Variants in CSDE1 observed in about 807,000 individuals in gnomAD.
CSDE1 encodes the protein cold shock domain-containing protein E1.
In CSDE1, 17 loss-of-function variants were observed where a neutral mutation model predicts 89.3. That is an observed-to-expected ratio of 0.19 (90% CI 0.13 to 0.29). The LOEUF (loss-of-function observed/expected upper bound fraction) is 0.29. CSDE1 is among the 10% of genes least tolerant of loss of function. CSDE1 has a pLI of 1.00. For missense variants in CSDE1, 672 were observed against 984.2 expected (o/e 0.68, Z 4.24); for synonymous variants, 322 against 332.8 (o/e 0.97, Z 0.35).
chr1:114,719,259 T>C (rs1659375178), intron 18 of CSDE1, among the ~76,000 whole-genome samples: 2 of 152,262 alleles, frequency 1.3e-5, no homozygotes, highest in East Asian at 1.9e-4. Context: ...CAGTGAGTCG[T>C]GATAGCGCCT....
intron 1 of CSDE1, among the ~76,000 whole-genome samples, chr1:114,750,544 C>T (rs1365285342): frequency 4.6e-5 from 7 of 151,870 alleles, no homozygotes; most frequent in Admixed American, 2.0e-4. Context: ...GAAGTCCCTG[C>T]CATGAGAGCA....
chr1:114,732,501 A>G, intron 10 of CSDE1, 103 bp downstream of exon 10: 1 of 993,168 alleles, frequency 1.0e-6, no homozygotes, highest in South Asian at 1.5e-5. Context: ...AATGCCCATT[A>G]GGGTCATTTA....
chr1:114,749,487 T>C (rs982037016), intron 2 of CSDE1, among the ~76,000 whole-genome samples: 19 of 152,272 alleles, frequency 1.2e-4, no homozygotes, highest in African/African-American at 4.3e-4. Context: ...CAGTAGCAAA[T>C]ATCACCAAAG....
intron 16 of CSDE1, 95 bp from the exon 17 acceptor site, chr1:114,720,812 T>G: frequency 9.3e-7 from 1 of 1,072,028 alleles, no homozygotes; most frequent in South Asian, 1.6e-5. Flanking sequence ...AAATGTGTTA[T>G]GTTACTTAAA....
Position 114,737,489 on chromosome 1 carries a change from T to C in CSDE1, c.384A>G (p.Val128=), listed in dbSNP as rs1449972156. ...AAPGQSPTGS[V]CYERNGEVFY... Reference sequence around the variant, plus strand: ...AGTTTACCCCATTACGTTCGTAGCATACACTCCCTGTTGGACTCTGACCCG... The same window carrying C: ...AGTTTACCCCATTACGTTCGTAGCACACACTCCCTGTTGGACTCTGACCCG... The change falls in exon 5 of 20, where the codon GTA becomes GTG. Residue 128 remains valine, a synonymous_variant. Transcript: ENST00000358528. 1.2e-6 allele frequency: 2 copies of C among 1,613,694 alleles called. No homozygotes were observed. Among genetic ancestry groups the C allele is most frequent in the Non-Finnish European group, 8.5e-7 (1 of 1,179,838 alleles).
At chr1:114,746,018 T>C (rs1485595878) in intron 2 of CSDE1, among the ~76,000 whole-genome samples, 4 of 152,142 alleles carry the variant, frequency 2.6e-5, no homozygotes, top group African/African-American at 9.7e-5. Context: ...AAGTTGTTTT[T>C]CCCCCCTAAT....
chr1:114,722,987 C>A (rs1659608495), intron 16 of CSDE1, among the ~76,000 whole-genome samples: 1 of 152,148 alleles, frequency 6.6e-6, no homozygotes, highest in African/African-American at 2.4e-5. Flanking sequence ...TCTTTGTAAA[C>A]CAAGCCATCA....
chr1:114,724,043 T>A, intron 15 of CSDE1, 41 bp from the exon 16 acceptor site: 1 of 1,595,786 alleles, frequency 6.3e-7, no homozygotes, highest in South Asian at 1.1e-5. Context: ...TTTTATTTCA[T>A]CTCTACTACA....
Position 114,722,736 on chromosome 1 carries a change from A to G in CSDE1, c.1873+1147T>C, listed in dbSNP as rs146144590. On this transcript the variant is annotated intron_variant, in intron 16 of 19. Transcript: ENST00000358528. ...GGAGATGGAAGGGCAATTTGATATCATATTATGAGTTAAAGTTAGTAGTCC... is the reference window on the plus strand; with the variant it reads ...GGAGATGGAAGGGCAATTTGATATCGTATTATGAGTTAAAGTTAGTAGTCC... Among the ~76,000 whole-genome samples, 432 of 152,330 alleles carry G rather than the reference A, an allele frequency of 2.8e-3. 6 individuals carry two copies. The East Asian group carries it at 0.048, about 17-fold the overall frequency.
chr1:114,718,693 A>C lies in CSDE1; in HGVS notation c.2269T>G (p.Leu757Val), dbSNP rs1405036214. The change falls in exon 19 of 20, where the codon TTG becomes GTG. Residue 757 changes from leucine (L) to valine (V), a missense_variant. Physicochemically the swap from Leu to Val is conservative, Grantham distance 32. Transcript: ENST00000358528. ...GCATCATCCAGAGTGATATTCTTCA[A>C]GCGATTGACCAACCGATCAGGTCGA... ...APRPDRLVNRLKNITLDDASA... is the reference protein window; with the variant it reads ...APRPDRLVNRVKNITLDDASA... The C allele has an allele frequency of 1.7e-5, 28 of 1,614,198 alleles. No individual in the cohort carries two copies. Among genetic ancestry groups the C allele is most frequent in the Non-Finnish European group, 2.3e-5 (27 of 1,180,042 alleles).
Position 114,734,511 on chromosome 1 carries a change from T to G in CSDE1, c.513A>C (p.Val171=). The G allele has an allele frequency of 6.2e-7, 1 of 1,611,876 alleles. No individual in the cohort carries two copies. The highest frequency in any genetic ancestry group is 8.5e-7 in the Non-Finnish European group (1 of 1,179,318). ...TCAACAGCATAATGTTGCGAGCACT[T>G]ACAGCACCAGTACTAGAAAAAAAAT... ...VIDNNKHTGA[V]SARNIMLLKK... The change falls in exon 7 of 20, where the codon GTA becomes GTC. Residue 171 remains valine, a synonymous_variant. Transcript: ENST00000358528.
intron 2 of CSDE1, among the ~76,000 whole-genome samples, chr1:114,743,581 G>A (rs1660852444): frequency 6.6e-6 from 1 of 152,190 alleles, no homozygotes; most frequent in Non-Finnish European, 1.5e-5. Flanking sequence ...CCTTAAAGCT[G>A]CAAAATATCC....
At chr1:114,723,810 T>C in intron 16 of CSDE1, 73 bp downstream of exon 16, 1 of 1,596,582 alleles carries the variant, frequency 6.3e-7, no homozygotes, top group Admixed American at 1.7e-5. Flanking sequence ...ATAAGCACCA[T>C]ATTTTAAAAC....
At chr1:114,723,539 C>T (rs1659639100) in intron 16 of CSDE1, among the ~76,000 whole-genome samples, 1 of 152,130 alleles carries the variant, frequency 6.6e-6, no homozygotes, top group African/African-American at 2.4e-5. Context: ...TGAATGCTTA[C>T]TGATTTAAAT....
intron 1 of CSDE1, among the ~76,000 whole-genome samples, chr1:114,754,661 C>G (rs746690536): frequency 3.3e-5 from 5 of 152,138 alleles, no homozygotes; most frequent in Non-Finnish European, 5.9e-5. Context: ...CTTAATAGGT[C>G]TTAATTCATT....
Position 114,738,120 on chromosome 1 carries a change from C to T in CSDE1, c.200-48G>A, listed in dbSNP as rs139652203. Reference sequence around the variant, plus strand: ...GTTTGTTGAACTGATTTTTGCGAAACGATATATTGCTTCCAAGCTATACTT... The same window carrying T: ...GTTTGTTGAACTGATTTTTGCGAAATGATATATTGCTTCCAAGCTATACTT... On this transcript the variant is annotated intron_variant, in intron 3 of 19. Transcript: ENST00000358528. 2,468 of 1,365,910 alleles carry T rather than the reference C, an allele frequency of 1.8e-3. 31 individuals are homozygous for T. In the African/African-American group the frequency reaches 0.028, roughly 16 times the overall value. The allele number at this position is 1,365,910 out of a possible 1,614,324, so 84.6% of individuals were successfully genotyped here.
chr1:114,748,809 AGT>A (rs1661146511), intron 2 of CSDE1, among the ~76,000 whole-genome samples: 1 of 152,214 alleles, frequency 6.6e-6, no homozygotes, highest in Non-Finnish European at 1.5e-5. Context: ...TTCCCTCAAA[AGT>A]GTCACCATTT....
At chr1:114,742,974 CTG>C (rs931316202) in intron 2 of CSDE1, among the ~76,000 whole-genome samples, 4 of 152,180 alleles carry the variant, frequency 2.6e-5, no homozygotes, top group Non-Finnish European at 4.4e-5. Context: ...ATTTGTACCA[CTG>C]TGTTTTACAA....
chr1:114,739,672 AAGG>A lies in CSDE1; in HGVS notation c.199+17_199+19del. 1 of 1,583,620 alleles carries A rather than the reference AAGG, an allele frequency of 6.3e-7. No individual in the cohort carries two copies. Among genetic ancestry groups the A allele is most frequent in the Non-Finnish European group, 8.7e-7 (1 of 1,154,340 alleles). On this transcript the variant is annotated intron_variant, in intron 3 of 19. Transcript: ENST00000358528. ...CAAATTTTGTGATTACATTTTTACA[AAGG>A]AGAACTGACAGATTACCTCCTACTT... is the stretch of plus-strand genomic sequence containing the variant.
Sources: allele counts gnomAD v4.1 joint callset (sites outside exome capture counted in the v4.1 genomes callset), GRCh38; gene constraint gnomAD v4.1.1; transcripts MANE v1.5; gene names NCBI Gene and HGNC (gene_info 2026-07-23, HGNC 2026-07-21).